The following ATM variants were observed in gnomAD, a reference collection of about 807,000 sequenced individuals.
ATM encodes ATM serine/threonine kinase, also known as serine-protein kinase ATM.
ATM carries 308 observed loss-of-function variants against 387.0 expected under a neutral mutation model. The observed-to-expected ratio is 0.80, with a 90% confidence interval of 0.73 to 0.87. ATM has a LOEUF of 0.87. Among genes scored for constraint, ATM ranks in the 40% least tolerant of loss-of-function variants. The pLI is 0.00. For synonymous variants in ATM, 1,156 were observed against 1,187.3 expected (o/e 0.97, Z 0.54); for missense variants, 3,312 against 3,560.9 (o/e 0.93, Z 1.78).
At chr11:108,257,712 T>C in intron 15 of ATM, 106 bp downstream of exon 15, 1 of 1,154,624 alleles carries the variant, frequency 8.7e-7, no homozygotes, top group Non-Finnish European at 1.3e-6. Context: ...CTTGACCTCC[T>C]GGTTTCCAGC....
intron 61 of ATM, among the ~76,000 whole-genome samples, chr11:108,360,632 C>T (rs1204431127): frequency 2.7e-5 from 4 of 150,114 alleles, no homozygotes; most frequent in South Asian, 4.3e-4. Flanking sequence ...GGATTCAAGG[C>T]TGGTTCAATA....
chr11:108,302,604 T>A (rs1221156297), intron 35 of ATM, among the ~76,000 whole-genome samples: 1 of 152,162 alleles, frequency 6.6e-6, no homozygotes, highest in East Asian at 1.9e-4. Context: ...TGTAATATGC[T>A]ACTAATGAGT....
intron 20 of ATM, among the ~76,000 whole-genome samples, chr11:108,271,714 T>A (rs781373146): frequency 1.3e-5 from 2 of 152,242 alleles, no homozygotes; most frequent in Non-Finnish European, 2.9e-5. Flanking sequence ...GTTCCCTAAG[T>A]GAACAAATTG....
chr11:108,338,595 T>C (rs1046099681), intron 56 of ATM, among the ~76,000 whole-genome samples: 1 of 151,762 alleles, frequency 6.6e-6, no homozygotes, highest in Non-Finnish European at 1.5e-5. Context: ...TTTGGGGCTG[T>C]GCATGAGCTG....
intron 59 of ATM, among the ~76,000 whole-genome samples, chr11:108,350,017 C>T (rs1395003466): frequency 6.6e-6 from 1 of 152,048 alleles, no homozygotes; most frequent in South Asian, 2.1e-4. Context: ...AAAGCATGCT[C>T]ATTTGCTAAG....
intron 17 of ATM, 101 bp downstream of exon 17, chr11:108,267,443 C>G (rs1473030926): frequency 9.6e-7 from 1 of 1,044,354 alleles, no homozygotes; most frequent in African/African-American, 1.6e-5. Context: ...ATTTCATTTT[C>G]TCTTAGTATA....
At chr11:108,356,906 A>G (rs1207711731) in intron 61 of ATM, among the ~76,000 whole-genome samples, 1 of 152,194 alleles carries the variant, frequency 6.6e-6, no homozygotes, top group African/African-American at 2.4e-5. Context: ...ACCTACAATA[A>G]CTGTCACCTT....
intron 48 of ATM, 95 bp from the exon 49 acceptor site, chr11:108,328,926 A>C (rs2085962982): frequency 7.8e-7 from 1 of 1,288,284 alleles, no homozygotes; most frequent in Admixed American, 2.0e-5. Flanking sequence ...ATATGTATAT[A>C]AGTTAAATTT....
chr11:108,232,676 A>G (rs2079074799), intron 4 of ATM, among the ~76,000 whole-genome samples: 2 of 150,780 alleles, frequency 1.3e-5, no homozygotes, highest in African/African-American at 4.9e-5. Flanking sequence ...AGTAGCTGGG[A>G]CTATAGGCAC....
At chr11:108,307,315 A>C (rs191322114) in intron 37 of ATM, among the ~76,000 whole-genome samples, 42 of 151,880 alleles carry the variant, frequency 2.8e-4, no homozygotes, top group African/African-American at 9.4e-4. Context: ...ATGCCCTGCT[A>C]ATTTTTGTGT....
intron 44 of ATM, 56 bp from the exon 45 acceptor site, chr11:108,321,245 A>C: frequency 1.2e-6 from 2 of 1,606,782 alleles, no homozygotes; most frequent in Non-Finnish European, 1.7e-6. Context: ...TTAAACATTT[A>C]TTTCCCTGAA....
intron 16 of ATM, among the ~76,000 whole-genome samples, chr11:108,266,751 A>T (rs2081270748): frequency 6.6e-6 from 1 of 151,836 alleles, no homozygotes; most frequent in African/African-American, 2.4e-5. Flanking sequence ...TGTAGTTTTC[A>T]TACTTACACA....
intron 9 of ATM, among the ~76,000 whole-genome samples, chr11:108,249,502 T>A (rs906444050): frequency 6.6e-6 from 1 of 152,214 alleles, no homozygotes. Context: ...AATTTTGACC[T>A]TATGCCATGA....
intron 4 of ATM, among the ~76,000 whole-genome samples, chr11:108,232,527 C>CCT (rs2079062867): frequency 1.7e-5 from 1 of 58,178 alleles, no homozygotes; most frequent in Admixed American, 2.8e-4. Context: ...GATTTCTCTC[C>CCT]TTTTTTTTTT....
rs572301723 is a variant in ATM at position 108,326,178 on chromosome 11, A to T, written c.6928A>T (p.Ser2310Cys). ...AAAAAAGGAGCAGAGTCTTGCCCTGAGTATTCTCAAGCAAATGATCAAGAA... is the reference window on the plus strand; with the variant it reads ...AAAAAAGGAGCAGAGTCTTGCCCTGTGTATTCTCAAGCAAATGATCAAGAA... ...WAKKEQSLAL[S>C]ILKQMIKKLD... is the part of the protein sequence containing the mutation. Residue 2310 changes from serine (S) to cysteine (C), a missense_variant, in exon 47 of 63, where the codon AGT becomes TGT. By Grantham distance (112) the Ser-to-Cys change is moderately radical (BLOSUM62 -1). Around this residue, in one of 4 missense-constraint regions of ATM, gnomAD observed 1,405 missense variants for 1,604.4 expected, o/e 0.88. Transcript: ENST00000675843. The T allele has an allele frequency of 6.2e-7, 1 of 1,614,208 alleles. No homozygotes were observed. The highest frequency in any genetic ancestry group is 1.1e-5 in the South Asian group (1 of 91,084).
At chr11:108,363,704 A>G (rs2091045222) in intron 61 of ATM, among the ~76,000 whole-genome samples, 1 of 152,202 alleles carries the variant, frequency 6.6e-6, no homozygotes, top group African/African-American at 2.4e-5. Flanking sequence ...ATCAGTCTGT[A>G]TTCCTTTACT....
intron 61 of ATM, chr11:108,355,956 A>G (rs181317493): frequency 3.7e-4 from 56 of 152,336 alleles, no homozygotes; most frequent in African/African-American, 1.2e-3. Context: ...AGATTTTGCT[A>G]CAAGGAGTTT....
chr11:108,241,756 T>C (rs2079573834), intron 5 of ATM, among the ~76,000 whole-genome samples: 1 of 137,644 alleles, frequency 7.3e-6, no homozygotes, highest in Non-Finnish European at 1.6e-5. Context: ...TTTTTTTTTT[T>C]TTTTTTTTTT....
chr11:108,254,530 C>T lies in ATM; in HGVS notation c.2124+491C>T, dbSNP rs148075878. Among the ~76,000 whole-genome samples, 93 of 152,330 alleles carry T rather than the reference C, an allele frequency of 6.1e-4. 1 individual carries two copies. In the East Asian group the frequency reaches 0.018, roughly 29 times the overall value. On this transcript the variant is annotated intron_variant, in intron 13 of 62. Coordinates refer to ENST00000675843, the MANE Select transcript of ATM (RefSeq NM_000051.4). ...ACGAGTTCTCTTCATGTATACTATT[C>T]TCTTGCCAAAACTTGCATTTTTTAA...
Sources: gnomAD v4.1 joint callset for allele counts (sites outside exome capture counted in the v4.1 genomes callset) on GRCh38, gnomAD v4.1.1 for gene constraint, gnomAD v4.1.1 regional missense constraint, MANE v1.5 for transcripts, NCBI Gene and HGNC (gene_info 2026-07-23, HGNC 2026-07-21) for gene names.